The following AMPH variants were observed in gnomAD, a reference collection of about 807,000 sequenced individuals.
The protein encoded by AMPH is amphiphysin (Stiff-Mann syndrome with breast cancer 128kD autoantigen).
In AMPH, 49 loss-of-function variants were observed where a neutral mutation model predicts 99.1. That is an observed-to-expected ratio of 0.49 (90% confidence interval 0.39 to 0.63). The LOEUF is 0.63. AMPH is among the 20% of genes least tolerant of loss of function. The pLI is 0.00. For synonymous variants in AMPH, 314 were observed against 317.3 expected (o/e 0.99, Z 0.11); for missense variants, 759 against 863.4 (o/e 0.88, Z 1.52).
chr7:38,573,303 T>A (rs1302843320), intron 1 of AMPH, among the ~76,000 whole-genome samples: 1 of 152,214 alleles, frequency 6.6e-6, no homozygotes, highest in African/African-American at 2.4e-5. Flanking sequence ...ATTTTTGCTA[T>A]TTTGTACCTT....
At chr7:38,404,681 G>C (rs2128981367) in intron 17 of AMPH, among the ~76,000 whole-genome samples, 1 of 152,250 alleles carries the variant, frequency 6.6e-6, no homozygotes, top group Middle Eastern at 3.4e-3. Flanking sequence ...AGAAGTGACA[G>C]CTTCTTCACA....
At chr7:38,447,043 G>C (rs1288744029) in intron 11 of AMPH, among the ~76,000 whole-genome samples, 1 of 151,294 alleles carries the variant, frequency 6.6e-6, no homozygotes, top group Non-Finnish European at 1.5e-5. Flanking sequence ...GTTTGAGACG[G>C]AGTTTCACTC....
chr7:38,483,143 A>G (rs1263500918), intron 5 of AMPH, among the ~76,000 whole-genome samples: 4 of 152,026 alleles, frequency 2.6e-5, no homozygotes, highest in Admixed American at 2.0e-4. Context: ...TAGCATCCCA[A>G]CTTTTCTGAC....
At chr7:38,482,149 G>A (rs1788306863) in intron 5 of AMPH, among the ~76,000 whole-genome samples, 1 of 152,050 alleles carries the variant, frequency 6.6e-6, no homozygotes, top group African/African-American at 2.4e-5. Flanking sequence ...ACTGTTACTT[G>A]TGTTATATGG....
At chr7:38,514,207 T>C (rs927889967) in intron 2 of AMPH, among the ~76,000 whole-genome samples, 5 of 152,228 alleles carry the variant, frequency 3.3e-5, no homozygotes, top group African/African-American at 1.2e-4. Flanking sequence ...TCTTGTTCAC[T>C]GAAGTTTCTG....
intron 13 of AMPH, 142 bp from the exon 14 acceptor site, chr7:38,430,007 G>A: frequency 4.0e-6 from 3 of 758,598 alleles, no homozygotes; most frequent in Non-Finnish European, 4.0e-6. Flanking sequence ...AACTTGTTTT[G>A]TGATAGGAAT....
intron 5 of AMPH, among the ~76,000 whole-genome samples, chr7:38,484,170 G>A (rs1202145515): frequency 5.3e-5 from 8 of 152,080 alleles, no homozygotes; most frequent in African/African-American, 1.4e-4. Flanking sequence ...GTCCCAGAAG[G>A]AGAAGACAAA....
intron 1 of AMPH, among the ~76,000 whole-genome samples, chr7:38,591,943 G>C (rs532788270): frequency 6.6e-6 from 1 of 152,354 alleles, no homozygotes; most frequent in South Asian, 2.1e-4. Context: ...CAGAAATATA[G>C]CATGTGGAAT....
At chr7:38,392,412 A>G (rs1784534278) in intron 18 of AMPH, among the ~76,000 whole-genome samples, 1 of 89,832 alleles carries the variant, frequency 1.1e-5, no homozygotes, top group Non-Finnish European at 2.1e-5. Context: ...TTTGAGACAG[A>G]GTCTTGCTCT....
At chr7:38,588,027 C>G (rs1380515177) in intron 1 of AMPH, among the ~76,000 whole-genome samples, 2 of 151,904 alleles carry the variant, frequency 1.3e-5, no homozygotes, top group Non-Finnish European at 1.5e-5. Context: ...TCTCGGTTCA[C>G]TGCAGCCTCG....
Position 38,535,031 on chromosome 7 carries a change from A to C in AMPH, c.70-20T>G. 1.3e-6 allele frequency: 2 copies of C among 1,595,654 alleles called. No homozygotes were observed. Among genetic ancestry groups the C allele is most frequent in the Non-Finnish European group, 1.7e-6 (2 of 1,163,688 alleles). On this transcript the variant is annotated intron_variant, in intron 1 of 20. Coordinates refer to ENST00000356264, the MANE Select transcript of AMPH (RefSeq NM_001635.4). ...GAGGACCTAATTTGCAAATAAAACA[A>C]AATGGTTTAATTTAATAATGTTTTC...
chr7:38,390,039 A>C, intron 19 of AMPH, 134 bp from the exon 20 acceptor site: 2 of 674,004 alleles, frequency 3.0e-6, no homozygotes, highest in South Asian at 3.6e-5. Context: ...AGGCCTCTAA[A>C]GCCAGAAGGG....
chr7:38,622,420 T>C, intron 1 of AMPH, among the ~76,000 whole-genome samples: 1 of 150,248 alleles, frequency 6.7e-6, no homozygotes, highest in Middle Eastern at 3.4e-3. Flanking sequence ...ATGTATGTAA[T>C]ATATGTAACT....
intron 14 of AMPH, chr7:38,429,172 T>C (rs1785903201): frequency 7.8e-7 from 1 of 1,289,958 alleles, no homozygotes; most frequent in African/African-American, 1.5e-5. Context: ...GCTGTGTCCA[T>C]GGCTGGCATG....
chr7:38,478,422 C>T (rs1297032104), intron 5 of AMPH, among the ~76,000 whole-genome samples: 1 of 152,058 alleles, frequency 6.6e-6, no homozygotes, highest in Non-Finnish European at 1.5e-5. Flanking sequence ...AAATAAAGAC[C>T]CAATGCAGCT....
intron 7 of AMPH, among the ~76,000 whole-genome samples, chr7:38,470,525 C>T (rs1393174856): frequency 4.6e-5 from 7 of 152,108 alleles, no homozygotes; most frequent in African/African-American, 1.7e-4. Flanking sequence ...TCTGTCATGG[C>T]TCCTTCTACA....
chr7:38,587,229 C>T (rs1413988916), intron 1 of AMPH, among the ~76,000 whole-genome samples: 1 of 152,216 alleles, frequency 6.6e-6, no homozygotes, highest in South Asian at 2.1e-4. Context: ...ACACTGTTTA[C>T]TGTACTTCAA....
intron 15 of AMPH, among the ~76,000 whole-genome samples, chr7:38,422,721 C>CAGGG (rs923170620): frequency 3.9e-5 from 6 of 152,246 alleles, no homozygotes; most frequent in Admixed American, 1.3e-4. Context: ...TCCCTGGGCT[C>CAGGG]AGGCGATCTA....
chr7:38,465,553 A>G lies in AMPH; in HGVS notation c.667-4T>C, dbSNP rs1479573996. On this transcript the variant is annotated splice_region_variant and splice_polypyrimidine_tract_variant and intron_variant, in intron 8 of 20. Transcript: ENST00000356264. ...CTTCATACAGTTTGTGGCAAAGCTA[A>G]GGGGACAGAGGCCACTTGTCTATTA... The G allele has an allele frequency of 1.3e-6, 2 of 1,573,786 alleles. No individual in the cohort carries two copies. Among genetic ancestry groups the G allele is most frequent in the Non-Finnish European group, 1.7e-6 (2 of 1,157,590 alleles).
Sources: gnomAD v4.1 joint callset for allele counts (sites outside exome capture counted in the v4.1 genomes callset) on GRCh38, gnomAD v4.1.1 for gene constraint, MANE v1.5 for transcripts, NCBI Gene and HGNC (gene_info 2026-07-23, HGNC 2026-07-21) for gene names.